The following CCDC172 variants were observed in gnomAD, a reference collection of about 807,000 sequenced individuals.
CCDC172 encodes coiled-coil domain containing 172, also known as coiled-coil domain-containing protein 172.
CCDC172 carries 30 observed loss-of-function variants against 38.0 expected under a neutral mutation model. That is an observed-to-expected ratio of 0.79 (90% CI 0.59 to 1.07). The LOEUF is 1.07. Ranked by LOEUF, CCDC172 falls within the 50% of genes least tolerant of loss-of-function variation. The probability of loss-of-function intolerance (pLI) is 0.00; values close to 1 mark genes in which losing one functional copy is unlikely to be tolerated. For missense variants in CCDC172, 297 were observed against 290.1 expected (o/e 1.02, Z -0.17); for synonymous variants, 78 against 88.3 (o/e 0.88, Z 0.66).
intron 5 of CCDC172, among the ~76,000 whole-genome samples, chr10:116,350,899 A>G (rs1844923346): frequency 6.6e-6 from 1 of 152,204 alleles, no homozygotes; most frequent in Non-Finnish European, 1.5e-5. Context: ...TAAAGCTGTA[A>G]ATAAAAATAA....
At chr10:116,349,069 C>T (rs1443437980) in intron 5 of CCDC172, among the ~76,000 whole-genome samples, 1 of 152,020 alleles carries the variant, frequency 6.6e-6, no homozygotes, top group Non-Finnish European at 1.5e-5. Context: ...GAACATAAAC[C>T]CTCTCGTGAA....
intron 5 of CCDC172, among the ~76,000 whole-genome samples, chr10:116,344,209 C>T (rs1478566770): frequency 6.6e-6 from 1 of 152,154 alleles, no homozygotes; most frequent in Non-Finnish European, 1.5e-5. Context: ...TGCAATCATG[C>T]ATCACTTTAA....
chr10:116,325,435 T>TG, intron 3 of CCDC172, 47 bp downstream of exon 3: 1 of 1,454,716 alleles, frequency 6.9e-7, no homozygotes, highest in Middle Eastern at 1.9e-4. Flanking sequence ...AAAGCCTGCC[T>TG]TAACTTGACT....
intron 3 of CCDC172, among the ~76,000 whole-genome samples, chr10:116,338,137 G>A (rs1227851944): frequency 1.3e-5 from 2 of 152,102 alleles, no homozygotes; most frequent in African/African-American, 4.8e-5. Context: ...CTGCAACCTT[G>A]ATCTGTTGAT....
chr10:116,342,289 A>G (rs953236780), intron 5 of CCDC172, 88 bp downstream of exon 5: 4 of 1,172,248 alleles, frequency 3.4e-6, no homozygotes, highest in Non-Finnish European at 3.5e-6. Context: ...TAACTTTTTC[A>G]TGAGCAAATT....
chr10:116,325,181 G>C (rs577060985), intron 2 of CCDC172, 91 bp downstream of exon 2: 31 of 1,494,756 alleles, frequency 2.1e-5, no homozygotes, highest in Non-Finnish European at 2.9e-5. Context: ...AGTGGTCAGA[G>C]CCGTTAGGGG....
chr10:116,367,665 A>G (rs1845139936), intron 7 of CCDC172, among the ~76,000 whole-genome samples: 1 of 152,122 alleles, frequency 6.6e-6, no homozygotes, highest in South Asian at 2.1e-4. Flanking sequence ...TGTCTCAAAA[A>G]GAAAAAAAAA....
intron 5 of CCDC172, among the ~76,000 whole-genome samples, chr10:116,345,467 C>T (rs11819205): frequency 0.093 from 14,170 of 151,576 alleles, 904 homozygotes; most frequent in East Asian, 0.22. Flanking sequence ...AATCATGAAC[C>T]GTAAAAAGAA....
intron 5 of CCDC172, among the ~76,000 whole-genome samples, chr10:116,343,261 A>T (rs1844817833): frequency 6.6e-6 from 1 of 152,094 alleles, no homozygotes. Context: ...TGATCTGAAG[A>T]CCTCAGCCAA....
At chr10:116,366,930 A>G (rs1221895096) in intron 7 of CCDC172, among the ~76,000 whole-genome samples, 1 of 152,136 alleles carries the variant, frequency 6.6e-6, no homozygotes, top group Non-Finnish European at 1.5e-5. Flanking sequence ...CATCTTTTGC[A>G]TCTGTTTATG....
chr10:116,378,368 TA>T, intron 7 of CCDC172, 54 bp from the exon 8 acceptor site: 1 of 1,504,848 alleles, frequency 6.6e-7, no homozygotes, highest in Non-Finnish European at 8.9e-7. Flanking sequence ...CTCTGTGCAG[TA>T]ATACAATTAC....
intron 7 of CCDC172, among the ~76,000 whole-genome samples, chr10:116,360,498 A>G (rs1292069316): frequency 6.6e-6 from 1 of 152,202 alleles, no homozygotes; most frequent in Non-Finnish European, 1.5e-5. Context: ...TATGTATTCT[A>G]ACCACTGGGA....
At chr10:116,378,961 T>C (rs1379339969) in intron 8 of CCDC172, among the ~76,000 whole-genome samples, 2 of 152,152 alleles carry the variant, frequency 1.3e-5, no homozygotes, top group Non-Finnish European at 2.9e-5. Flanking sequence ...AATTCAATTG[T>C]TGGAAATGTA....
At chr10:116,333,246 A>T (rs1343928259) in intron 3 of CCDC172, among the ~76,000 whole-genome samples, 2 of 152,124 alleles carry the variant, frequency 1.3e-5, no homozygotes, top group Non-Finnish European at 2.9e-5. Context: ...CAATTTGCCT[A>T]TAAATACAAT....
chr10:116,340,983 T>C, intron 4 of CCDC172, 133 bp downstream of exon 4: 1 of 657,698 alleles, frequency 1.5e-6, no homozygotes, highest in Non-Finnish European at 2.7e-6. Context: ...CAGGAAAGTA[T>C]TAAGTGCTAT....
At chr10:116,378,058 G>A (rs1454656783) in intron 7 of CCDC172, among the ~76,000 whole-genome samples, 2 of 152,036 alleles carry the variant, frequency 1.3e-5, no homozygotes, top group East Asian at 3.9e-4. Context: ...GCAGCCGCCT[G>A]TAATCCCAGC....
intron 5 of CCDC172, among the ~76,000 whole-genome samples, chr10:116,352,411 C>T (rs1346137783): frequency 3.3e-5 from 5 of 151,854 alleles, no homozygotes; most frequent in Non-Finnish European, 7.4e-5. Context: ...TAGTAACATA[C>T]CTAGAAATGA....
chr10:116,357,521 T>A (rs746096819), intron 6 of CCDC172, 40 bp downstream of exon 6: 3 of 1,407,192 alleles, frequency 2.1e-6, no homozygotes, highest in Admixed American at 5.4e-5. Context: ...CTGATAAATA[T>A]AGTTATATAT....
chr10:116,341,308 A>G (rs139226176), intron 4 of CCDC172, among the ~76,000 whole-genome samples: 5 of 152,226 alleles, frequency 3.3e-5, no homozygotes, highest in Admixed American at 6.5e-5. Context: ...TAAAGAAAAT[A>G]CATTTAAAGA....
Sources: allele counts gnomAD v4.1 joint callset (sites outside exome capture counted in the v4.1 genomes callset), GRCh38; gene constraint gnomAD v4.1.1; transcripts MANE v1.5; gene names NCBI Gene and HGNC (gene_info 2026-07-23, HGNC 2026-07-21).